AOAH: variants seen among roughly 807,000 people sequenced by gnomAD.
AOAH encodes acyloxyacyl hydrolase (neutrophil).
A neutral mutation model predicts 92.2 loss-of-function variants in AOAH; 64 were observed. The ratio of observed to expected loss-of-function variants is 0.69; its 90% confidence interval spans 0.57 to 0.86. The LOEUF (loss-of-function observed/expected upper bound fraction) is 0.86, where lower values mean the gene tolerates loss of function less well. AOAH is among the 40% of genes least tolerant of loss of function. The pLI, the probability that AOAH is intolerant of heterozygous loss-of-function variation, is 0.00. For synonymous variants in AOAH, 263 were observed against 254.5 expected (o/e 1.03, Z -0.32); for missense variants, 656 against 694.6 (o/e 0.94, Z 0.62).
chr7:36,718,642 A>ACATG (rs1178282839), intron 1 of AOAH, among the ~76,000 whole-genome samples: 4 of 152,234 alleles, frequency 2.6e-5, no homozygotes, highest in Non-Finnish European at 4.4e-5. Context: ...CAGGGTTGAT[A>ACATG]CATGCCACAA....
At chr7:36,575,640 G>A (rs1788442260) in intron 13 of AOAH, among the ~76,000 whole-genome samples, 1 of 152,188 alleles carries the variant, frequency 6.6e-6, no homozygotes, top group South Asian at 2.1e-4. Context: ...CTTGGTAAGA[G>A]CTCAGTTAAT....
At chr7:36,609,429 C>G (rs1791259068) in intron 11 of AOAH, among the ~76,000 whole-genome samples, 1 of 152,158 alleles carries the variant, frequency 6.6e-6, no homozygotes. Context: ...AACTCCAGCC[C>G]TTTGAGATCT....
chr7:36,678,759 A>G (rs1796463028), intron 2 of AOAH, among the ~76,000 whole-genome samples: 1 of 152,160 alleles, frequency 6.6e-6, no homozygotes, highest in Non-Finnish European at 1.5e-5. Flanking sequence ...GGGACAGGAA[A>G]TGCTCTCTGA....
chr7:36,601,827 G>A (rs1790629329), intron 11 of AOAH, among the ~76,000 whole-genome samples: 1 of 152,184 alleles, frequency 6.6e-6, no homozygotes, highest in South Asian at 2.1e-4. Flanking sequence ...AGAGGGGCCA[G>A]GGGGAAATAG....
intron 1 of AOAH, among the ~76,000 whole-genome samples, chr7:36,702,520 A>G (rs1487136684): frequency 6.6e-6 from 1 of 152,218 alleles, no homozygotes; most frequent in African/African-American, 2.4e-5. Context: ...GACCACCACA[A>G]TAAAGCAAAT....
chr7:36,685,634 T>C (rs753311536), intron 2 of AOAH, among the ~76,000 whole-genome samples: 1 of 152,166 alleles, frequency 6.6e-6, no homozygotes, highest in Non-Finnish European at 1.5e-5. Context: ...ATGATACCCA[T>C]TAAGTTCATG....
At chr7:36,561,535 C>T (rs1221193864) in intron 13 of AOAH, among the ~76,000 whole-genome samples, 1 of 152,158 alleles carries the variant, frequency 6.6e-6, no homozygotes, top group Non-Finnish European at 1.5e-5. Context: ...AGAAGGAGCA[C>T]AGCCCCCATG....
At chr7:36,621,605 T>C in intron 8 of AOAH, 105 bp downstream of exon 8, 1 of 1,055,088 alleles carries the variant, frequency 9.5e-7, no homozygotes, top group East Asian at 2.4e-5. Flanking sequence ...TGAAAATCTC[T>C]TCTCTCTGTA....
chr7:36,688,827 A>G (rs1461264417), intron 1 of AOAH, among the ~76,000 whole-genome samples: 5 of 150,774 alleles, frequency 3.3e-5, no homozygotes, highest in Admixed American at 2.6e-4. Flanking sequence ...ATTTATGTGT[A>G]TATATACATA....
At chr7:36,573,189 TC>T (rs1247995670) in intron 13 of AOAH, among the ~76,000 whole-genome samples, 8 of 152,178 alleles carry the variant, frequency 5.3e-5, no homozygotes, top group African/African-American at 1.4e-4. Context: ...CTATTTTCCA[TC>T]TTAGAGAAGG....
chr7:36,704,113 GT>G (rs935260723), intron 1 of AOAH, among the ~76,000 whole-genome samples: 26 of 151,354 alleles, frequency 1.7e-4, no homozygotes, highest in Admixed American at 5.3e-4. Flanking sequence ...TGATGATGAG[GT>G]TTTTTTTTCA....
chr7:36,644,454 A>G (rs966054182), intron 4 of AOAH, among the ~76,000 whole-genome samples: 3 of 152,206 alleles, frequency 2.0e-5, no homozygotes, highest in Admixed American at 1.3e-4. Flanking sequence ...AATATTATTT[A>G]GATTGTGCAT....
At chr7:36,566,702 G>A (rs1787739747) in intron 13 of AOAH, among the ~76,000 whole-genome samples, 1 of 152,118 alleles carries the variant, frequency 6.6e-6, no homozygotes, top group African/African-American at 2.4e-5. Context: ...GTGGACTCAA[G>A]CATGCACACT....
rs537134974 is a variant in AOAH, at chr7:36,694,918, T to C, written c.128-8124A>G. ...ACAGATGATGGATGGAATGGATATA[T>C]AGGTAAATAGATAGGGAGAGAGGGA... On this transcript the variant is annotated intron_variant, in intron 1 of 20. Transcript: ENST00000617537. Among the ~76,000 whole-genome samples, 4 of 149,444 alleles carry C rather than the reference T, an allele frequency of 2.7e-5. No individual in the cohort carries two copies. In the South Asian group the frequency reaches 6.5e-4, roughly 24 times the overall value.
chr7:36,659,264 G>T lies in AOAH; in HGVS notation c.292C>A (p.Leu98Ile). 6.2e-7 allele frequency: 1 copy of T among 1,613,340 alleles called. No individual in the cohort carries two copies. The highest frequency in any genetic ancestry group is 8.5e-7 in the Non-Finnish European group (1 of 1,179,288). The change falls in exon 4 of 21, where the codon CTT becomes ATT. Residue 98 changes from leucine to isoleucine, a missense_variant and splice_region_variant. Transcript: ENST00000617537. ...DKFGSDIIKL[L>I]SADMNADVVC... The stretch of plus-strand genomic sequence containing the variant: ...ACATCAGCATTCATATCTGCGCTAA[G>T]CCTGGAGGGAAACGGTGCAAAACAA...
intron 20 of AOAH, among the ~76,000 whole-genome samples, chr7:36,517,395 A>G (rs1783849158): frequency 6.6e-6 from 1 of 151,560 alleles, no homozygotes; most frequent in African/African-American, 2.4e-5. Context: ...GGTTCAAGCA[A>G]TTCTCTTGCT....
intron 11 of AOAH, chr7:36,600,120 C>A (rs929816518): frequency 2.0e-5 from 3 of 152,214 alleles, no homozygotes; most frequent in African/African-American, 7.2e-5. Flanking sequence ...AGAACTAATG[C>A]GGGGTTCCCC....
intron 12 of AOAH, among the ~76,000 whole-genome samples, chr7:36,582,793 G>T (rs1219900374): frequency 6.6e-6 from 1 of 151,918 alleles, no homozygotes; most frequent in Admixed American, 6.6e-5. Context: ...AACCAGATGT[G>T]ATATGATTCA....
intron 4 of AOAH, among the ~76,000 whole-genome samples, chr7:36,639,777 G>A (rs1793772458): frequency 1.3e-5 from 2 of 152,226 alleles, no homozygotes; most frequent in Non-Finnish European, 2.9e-5. Context: ...CTGGGGATCT[G>A]GTGGTGAACC....
Sources: gnomAD v4.1 joint callset for allele counts (sites outside exome capture counted in the v4.1 genomes callset) on GRCh38, gnomAD v4.1.1 for gene constraint, MANE v1.5 for transcripts, NCBI Gene and HGNC (gene_info 2026-07-23, HGNC 2026-07-21) for gene names.